The following ZFPM2 variants were observed in gnomAD, a reference collection of about 807,000 sequenced individuals.
The protein encoded by ZFPM2 is zinc finger protein, FOG family member 2.
A neutral mutation model predicts 98.6 loss-of-function variants in ZFPM2; 20 were observed. That is an observed-to-expected ratio of 0.20 (90% CI 0.14 to 0.29). The LOEUF (loss-of-function observed/expected upper bound fraction) is 0.29, where lower values mean the gene tolerates loss of function less well. Among genes scored for constraint, ZFPM2 ranks in the 10% least tolerant of loss-of-function variants. ZFPM2 has a pLI of 1.00. For synonymous variants in ZFPM2, 518 were observed against 502.7 expected (o/e 1.03, Z -0.41); for missense variants, 1,310 against 1,388.6 (o/e 0.94, Z 0.90).
At chr8:105,651,686 C>T (rs571008241) in intron 5 of ZFPM2, among the ~76,000 whole-genome samples, 31 of 152,148 alleles carry the variant, frequency 2.0e-4, no homozygotes, top group Non-Finnish European at 3.1e-4. Context: ...TGGATGTGAA[C>T]ACCTCAAAGG....
chr8:105,343,382 G>A (rs1167799304), intron 1 of ZFPM2, among the ~76,000 whole-genome samples: 1 of 152,106 alleles, frequency 6.6e-6, no homozygotes, highest in Non-Finnish European at 1.5e-5. Context: ...TATGTCTGGA[G>A]GTGAACCCCC....
chr8:105,516,792 G>A (rs1813931892), intron 3 of ZFPM2, among the ~76,000 whole-genome samples: 1 of 152,174 alleles, frequency 6.6e-6, no homozygotes, highest in South Asian at 2.1e-4. Flanking sequence ...AGCAGACTGT[G>A]TGTCCAGCAC....
At chr8:105,726,293 G>A (rs565835559) in intron 5 of ZFPM2, among the ~76,000 whole-genome samples, 59 of 151,774 alleles carry the variant, frequency 3.9e-4, no homozygotes, top group South Asian at 1.0e-3. Context: ...CTTCTAAGTT[G>A]TATAACCATA....
chr8:105,665,562 T>C (rs916037607), intron 5 of ZFPM2, among the ~76,000 whole-genome samples: 4 of 152,164 alleles, frequency 2.6e-5, no homozygotes, highest in Admixed American at 2.0e-4. Flanking sequence ...GATTTACTTA[T>C]TTTTGTAAAG....
At chr8:105,502,764 C>T (rs893183057) in intron 3 of ZFPM2, among the ~76,000 whole-genome samples, 4 of 152,182 alleles carry the variant, frequency 2.6e-5, no homozygotes, top group Non-Finnish European at 5.9e-5. Context: ...TGATTCCTCT[C>T]CACATGACAT....
chr8:105,659,308 G>C (rs1380046813), intron 5 of ZFPM2, among the ~76,000 whole-genome samples: 1 of 152,104 alleles, frequency 6.6e-6, no homozygotes, highest in African/African-American at 2.4e-5. Context: ...ATCATACAGT[G>C]AACAGCAATT....
chr8:105,415,741 A>T (rs557602762), intron 1 of ZFPM2, among the ~76,000 whole-genome samples: 1 of 152,260 alleles, frequency 6.6e-6, no homozygotes, highest in East Asian at 1.9e-4. Flanking sequence ...ATCTTAAACC[A>T]TAAATATTAT....
intron 4 of ZFPM2, among the ~76,000 whole-genome samples, chr8:105,595,459 G>C (rs532305703): frequency 8.5e-5 from 13 of 152,198 alleles, no homozygotes; most frequent in African/African-American, 2.4e-4. Context: ...ACATTTTACT[G>C]TCTCAGATGC....
intron 5 of ZFPM2, among the ~76,000 whole-genome samples, chr8:105,734,611 G>T (rs1812026257): frequency 6.6e-6 from 1 of 151,918 alleles, no homozygotes. Flanking sequence ...TGGATACAGG[G>T]TGGCTTATTT....
intron 1 of ZFPM2, among the ~76,000 whole-genome samples, chr8:105,357,402 A>C (rs1812768734): frequency 6.6e-6 from 1 of 152,234 alleles, no homozygotes; most frequent in African/African-American, 2.4e-5. Context: ...ACACATGTAC[A>C]CACAAAGAGT....
chr8:105,334,118 C>CTGTGTGTGTGTGTGTGTG lies in ZFPM2; in HGVS notation c.40+15162_40+15179dup, dbSNP rs71305145. ...CACTGCCATTACTGCTAGTAATAAA[C>CTGTGTGTGTGTGTGTGTG]TGTGTGTGTGTGTGTGTGTGTGTGT... On this transcript the variant is annotated intron_variant, in intron 1 of 7. Transcript: ENST00000407775. Among the ~76,000 whole-genome samples, 13 of 120,400 alleles carry CTGTGTGTGTGTGTGTGTG rather than the reference C, an allele frequency of 1.1e-4. 1 individual carries two copies. The highest frequency in any genetic ancestry group is 4.2e-4 in the African/African-American group (12 of 28,688). 79.0% of individuals were successfully genotyped at this position (120,400 alleles called of 152,430 possible).
chr8:105,584,212 G>A (rs1215506627), intron 4 of ZFPM2, among the ~76,000 whole-genome samples: 1 of 151,926 alleles, frequency 6.6e-6, no homozygotes, highest in South Asian at 2.1e-4. Flanking sequence ...TAACATAATT[G>A]TAGTAATTAA....
At chr8:105,423,925 AAAATATGTGAAC>A (rs1323888676) in intron 2 of ZFPM2, among the ~76,000 whole-genome samples, 4 of 152,338 alleles carry the variant, frequency 2.6e-5, no homozygotes, top group Admixed American at 2.6e-4. Flanking sequence ...AGAATGTCAC[AAAATATGTGAAC>A]AGGAAGAATC....
At chr8:105,488,085 T>G (rs556462795) in intron 3 of ZFPM2, among the ~76,000 whole-genome samples, 1 of 151,938 alleles carries the variant, frequency 6.6e-6, no homozygotes, top group African/African-American at 2.4e-5. Context: ...ACCACAACAG[T>G]ACATTTGTTA....
chr8:105,585,963 T>C (rs1404417264), intron 4 of ZFPM2, among the ~76,000 whole-genome samples: 1 of 148,244 alleles, frequency 6.7e-6, no homozygotes, highest in Non-Finnish European at 1.5e-5. Context: ...TTGCATGAGT[T>C]AGGAGGGGTC....
chr8:105,744,387 C>G (rs1812295186), intron 5 of ZFPM2, among the ~76,000 whole-genome samples: 1 of 152,218 alleles, frequency 6.6e-6, no homozygotes, highest in Admixed American at 6.5e-5. Flanking sequence ...CAGCACATCT[C>G]TTGCTTATCA....
At chr8:105,574,988 G>A (rs1182872580) in intron 4 of ZFPM2, among the ~76,000 whole-genome samples, 1 of 151,892 alleles carries the variant, frequency 6.6e-6, no homozygotes, top group East Asian at 1.9e-4. Context: ...CAGAAGTGGT[G>A]GAAAGAAAAT....
At chr8:105,773,586 T>C (rs1164518344) in intron 5 of ZFPM2, among the ~76,000 whole-genome samples, 1 of 151,662 alleles carries the variant, frequency 6.6e-6, no homozygotes, top group Non-Finnish European at 1.5e-5. Flanking sequence ...GAAATAGAAC[T>C]AATTAACTAC....
intron 4 of ZFPM2, among the ~76,000 whole-genome samples, chr8:105,597,232 G>T (rs1815991455): frequency 6.6e-6 from 1 of 152,008 alleles, no homozygotes; most frequent in African/African-American, 2.4e-5. Flanking sequence ...GAATTGGCAG[G>T]AGTCGACATG....
Sources: gnomAD v4.1 joint callset for allele counts (sites outside exome capture counted in the v4.1 genomes callset) on GRCh38, gnomAD v4.1.1 for gene constraint, MANE v1.5 for transcripts, NCBI Gene and HGNC (gene_info 2026-07-23, HGNC 2026-07-21) for gene names.